SSH1: variants seen among roughly 807,000 people sequenced by gnomAD.
The protein encoded by SSH1 is slingshot protein phosphatase 1.
Under a neutral mutation model 79.7 loss-of-function variants are expected in SSH1, and 43 were observed. The ratio of observed to expected loss-of-function variants is 0.54; its 90% CI spans 0.42 to 0.70. The LOEUF (loss-of-function observed/expected upper bound fraction) is 0.70. Among genes scored for constraint, SSH1 ranks in the 30% least tolerant of loss-of-function variants. The probability of loss-of-function intolerance (pLI) is 0.00; values close to 1 mark genes in which losing one functional copy is unlikely to be tolerated. For missense variants in SSH1, 1,206 were observed against 1,358.8 expected, an observed-to-expected ratio of 0.89 and a Z score of 1.77; for synonymous variants, 599 against 538.3, an observed-to-expected ratio of 1.11 and a Z score of -1.56.
chr12:108,849,160 G>C (rs2038963189), intron 2 of SSH1, among the ~76,000 whole-genome samples: 1 of 152,198 alleles, frequency 6.6e-6, no homozygotes, highest in Non-Finnish European at 1.5e-5. Context: ...TCCAAGGGCT[G>C]TTTTGAGAAT....
chr12:108,837,206 T>TG (rs1214592270), intron 2 of SSH1, among the ~76,000 whole-genome samples: 1 of 152,118 alleles, frequency 6.6e-6, no homozygotes, highest in Non-Finnish European at 1.5e-5. Flanking sequence ...CACTCCAGCT[T>TG]GGGCGACAGA....
intron 2 of SSH1, among the ~76,000 whole-genome samples, chr12:108,843,117 TC>T (rs1307097512): frequency 2.0e-5 from 3 of 152,116 alleles, no homozygotes; most frequent in East Asian, 3.9e-4. Context: ...GTTGCTATAT[TC>T]CCAGCCCCTA....
At chr12:108,827,514 T>A in intron 2 of SSH1, 1 of 1,285,464 alleles carries the variant, frequency 7.8e-7, no homozygotes, top group South Asian at 2.9e-5. Context: ...ATGGCTCTTG[T>A]GGAACTCTTG....
chr12:108,791,983 C>A, intron 14 of SSH1: 1 of 1,314,064 alleles, frequency 7.6e-7, no homozygotes, highest in South Asian at 3.0e-5. Context: ...AGTTGGAAGC[C>A]CTGCCCAGGG....
At chr12:108,841,108 G>C (rs554544713) in intron 2 of SSH1, among the ~76,000 whole-genome samples, 18 of 152,362 alleles carry the variant, frequency 1.2e-4, no homozygotes, top group Admixed American at 1.2e-3. Flanking sequence ...CAGGGACCCA[G>C]AGAAGTGAAG....
At position 108,830,134 on chromosome 12, in the gene SSH1, C is replaced by T. The variant is rs143749395; in HGVS notation, c.111-6773G>A. 9.3e-3 allele frequency among the ~76,000 whole-genome samples: 1,409 copies of T among 151,780 alleles called. 24 individuals are homozygous for T. The highest frequency in any genetic ancestry group is 0.033 in the African/African-American group (1,356 of 41,348). Reference sequence around the variant, plus strand: ...TCCAGGGGGTGCTTCTGATGCACAGCCAAGTTTTAAAAACCTCAGAATCAA... The same window carrying T: ...TCCAGGGGGTGCTTCTGATGCACAGTCAAGTTTTAAAAACCTCAGAATCAA... On this transcript the variant is annotated intron_variant, in intron 2 of 14. Coordinates refer to ENST00000326495, the MANE Select transcript of SSH1 (RefSeq NM_018984.4).
rs1165030914 is a variant in SSH1 at position 108,788,543 on chromosome 12, G to A, written c.2595C>T (p.Leu865=). The A allele has an allele frequency of 3.6e-5, 56 of 1,575,282 alleles. No individual in the cohort carries two copies. Among genetic ancestry groups the A allele is most frequent in the Non-Finnish European group, 4.6e-5 (53 of 1,160,188 alleles). ...GCATAACCAGGGGGCCCAGCTCGTG[G>A]AGCGCGGCTGGATCCTGGCTCTCCT... is the stretch of plus-strand genomic sequence containing the variant. The part of the protein sequence containing the change: ...IPEESQDPAA[L]HELGPLVMPS... Residue 865 remains leucine, a synonymous_variant, in exon 15 of 15, where the codon CTC becomes CTT. Coordinates refer to ENST00000326495, the MANE Select transcript of SSH1 (RefSeq NM_018984.4).
chr12:108,802,011 T>A (rs1388731031), intron 11 of SSH1, among the ~76,000 whole-genome samples: 1 of 151,732 alleles, frequency 6.6e-6, no homozygotes, highest in Non-Finnish European at 1.5e-5. Flanking sequence ...GGAAGCGGGG[T>A]GGGGGTGAGG....
intron 2 of SSH1, among the ~76,000 whole-genome samples, chr12:108,846,249 T>C (rs2038897431): frequency 6.6e-6 from 1 of 152,102 alleles, no homozygotes; most frequent in Non-Finnish European, 1.5e-5. Flanking sequence ...GAGCAAATTA[T>C]AATAATTCTA....
chr12:108,784,074 G>A lies in SSH1; in HGVS notation c.*3914C>T, dbSNP rs1163249637. Reference sequence around the variant, plus strand: ...ACCAACAATTTCCCACCAATGGAAGGCAACTCCCTCTCCAGATGCCTCAGG... The same window carrying A: ...ACCAACAATTTCCCACCAATGGAAGACAACTCCCTCTCCAGATGCCTCAGG... On this transcript the variant is annotated 3_prime_UTR_variant, in exon 15 of 15. Transcript: ENST00000326495. 6.6e-6 allele frequency: 1 copy of A among 152,192 alleles called. No individual in the cohort carries two copies. The highest frequency in any genetic ancestry group is 2.4e-5 in the African/African-American group (1 of 41,430). The allele number at this position is 152,192 out of a possible 1,614,324, so 9.4% of individuals were successfully genotyped here.
intron 1 of SSH1, among the ~76,000 whole-genome samples, chr12:108,856,059 C>T (rs1011082524): frequency 6.6e-6 from 1 of 152,230 alleles, no homozygotes; most frequent in Non-Finnish European, 1.5e-5. Context: ...CTCCCTCCCA[C>T]AAAGAAAGGG....
intron 1 of SSH1, chr12:108,852,904 G>A (rs767485728): frequency 4.1e-5 from 40 of 985,260 alleles, no homozygotes; most frequent in Middle Eastern, 5.2e-4. Flanking sequence ...CATTCCTGCC[G>A]CAGTCCAGGG....
At chr12:108,822,322 T>G (rs113444050) in intron 3 of SSH1, among the ~76,000 whole-genome samples, 1 of 151,846 alleles carries the variant, frequency 6.6e-6, no homozygotes, top group Admixed American at 6.6e-5. Flanking sequence ...TTTGCAGAGA[T>G]AGGGTTTCAC....
In SSH1 at chr12:108,788,515, T is replaced by C. The variant is rs540769035; in HGVS notation, c.2623A>G (p.Ser875Gly). The change falls in exon 15 of 15, where the codon AGC (serine) becomes GGC (glycine). Residue 875 changes from serine to glycine, a missense_variant. Around this residue, in one of 5 missense-constraint regions of SSH1, gnomAD observed 709 missense variants for 730.6 expected, o/e 0.97. Coordinates refer to ENST00000326495, the MANE Select transcript of SSH1 (RefSeq NM_018984.4). The stretch of plus-strand genomic sequence containing the variant: ...GACTTCTCATCACTCCCGGCCTGGC[T>C]GGGCATAACCAGGGGGCCCAGCTCG... ...LHELGPLVMP[S>G]QAGSDEKSEA... The C allele has an allele frequency of 2.6e-6, 4 of 1,561,154 alleles. No homozygotes were observed. The South Asian group carries it at 4.9e-5, about 19-fold the overall frequency.
chr12:108,855,693 A>C (rs1354289880), intron 1 of SSH1, among the ~76,000 whole-genome samples: 2 of 152,186 alleles, frequency 1.3e-5, no homozygotes, highest in East Asian at 3.8e-4. Context: ...GACAGCAGTG[A>C]CCGGAACAGA....
At chr12:108,820,710 C>A (rs560426082) in intron 3 of SSH1, among the ~76,000 whole-genome samples, 33 of 152,336 alleles carry the variant, frequency 2.2e-4, no homozygotes, top group South Asian at 6.2e-4. Context: ...ACAGAATTAA[C>A]CCTCAATTGT....
chr12:108,789,195 G>C lies in SSH1; in HGVS notation c.1943C>G (p.Ser648Cys). The change falls in exon 15 of 15, where the codon TCC becomes TGC. Residue 648 changes from serine to cysteine, a missense_variant. By Grantham distance (112) the Ser-to-Cys change is moderately radical. Around this residue, in one of 5 missense-constraint regions of SSH1, gnomAD observed 709 missense variants for 730.6 expected, o/e 0.97. Coordinates refer to ENST00000326495, the MANE Select transcript of SSH1 (RefSeq NM_018984.4). ...TGTAGGGTACATGCAGTCGGCACAG[G>C]ATTTATAGGAAGGCTTCACTTTGTT... ...ILNKVKPSYK[S>C]CADCMYPTAS... The C allele has an allele frequency of 6.2e-7, 1 of 1,607,674 alleles. No homozygotes were observed. The highest frequency in any genetic ancestry group is 8.5e-7 in the Non-Finnish European group (1 of 1,176,892).
intron 2 of SSH1, among the ~76,000 whole-genome samples, chr12:108,840,988 T>C (rs2038763897): frequency 6.6e-6 from 1 of 152,158 alleles, no homozygotes; most frequent in Non-Finnish European, 1.5e-5. Flanking sequence ...ACACAGCAAA[T>C]GATGAGCAGC....
In SSH1 at chr12:108,778,567, C is replaced by A. The variant is rs1277997681; in HGVS notation, c.*9421G>T. 1.3e-5 allele frequency: 2 copies of A among 152,188 alleles called. No individual in the cohort carries two copies. Among genetic ancestry groups the A allele is most frequent in the Non-Finnish European group, 2.9e-5 (2 of 68,042 alleles). The allele number at this position is 152,188 out of a possible 1,614,324, so 9.4% of individuals were successfully genotyped here. On this transcript the variant is annotated 3_prime_UTR_variant, in exon 15 of 15. Transcript: ENST00000326495. ...CTTGGTAATACATGTGAAACCCTTG[C>A]AACTAGGAATATATCCTCCAATTCC...
Sources: gnomAD v4.1 joint callset for allele counts (sites outside exome capture counted in the v4.1 genomes callset) on GRCh38, gnomAD v4.1.1 for gene constraint, gnomAD v4.1.1 regional missense constraint, MANE v1.5 for transcripts, NCBI Gene and HGNC (gene_info 2026-07-23, HGNC 2026-07-21) for gene names.